The following FGGY variants were observed in gnomAD, a reference collection of about 807,000 sequenced individuals.
FGGY encodes FGGY carbohydrate kinase domain containing.
Under a neutral mutation model 71.3 loss-of-function variants are expected in FGGY, and 72 were observed. That is an observed-to-expected ratio of 1.01 (90% CI 0.84 to 1.23). The LOEUF (loss-of-function observed/expected upper bound fraction) is 1.23. FGGY is among the 50% of genes most tolerant of loss of function. The probability of loss-of-function intolerance (pLI) is 0.00; values close to 1 mark genes in which losing one functional copy is unlikely to be tolerated. For synonymous variants in FGGY, 251 were observed against 250.3 expected (o/e 1.00, Z -0.02); for missense variants, 668 against 682.3 (o/e 0.98, Z 0.23).
intron 5 of FGGY, among the ~76,000 whole-genome samples, chr1:59,426,270 C>A (rs2066348349): frequency 6.6e-6 from 1 of 152,094 alleles, no homozygotes; most frequent in South Asian, 2.1e-4. Flanking sequence ...GGATTGAATT[C>A]CTCCCTTTCC....
intron 6 of FGGY, among the ~76,000 whole-genome samples, chr1:59,506,307 G>A (rs550656664): frequency 6.0e-5 from 9 of 150,958 alleles, no homozygotes; most frequent in Non-Finnish European, 1.0e-4. Context: ...TTTTCTGGAA[G>A]TTTATGTGCT....
intron 7 of FGGY, among the ~76,000 whole-genome samples, chr1:59,541,841 C>T (rs907044806): frequency 6.6e-6 from 1 of 152,156 alleles, no homozygotes; most frequent in Non-Finnish European, 1.5e-5. Flanking sequence ...GTTTATATTC[C>T]ATGCTGTCAC....
chr1:59,703,665 G>C (rs2097728829), intron 14 of FGGY, among the ~76,000 whole-genome samples: 1 of 152,196 alleles, frequency 6.6e-6, no homozygotes, highest in Non-Finnish European at 1.5e-5. Flanking sequence ...CTAGTCTTGT[G>C]AGCCCAGCTC....
At position 59,525,524 on chromosome 1, in the gene FGGY, A is replaced by G. The variant is rs115396838; in HGVS notation, c.799+13085A>G. ...GAGTAATAAATGAGCTTTTATTTGTAAAGCACTTAGAATAATGTCTGGCCA... is the reference window on the plus strand; with the variant it reads ...GAGTAATAAATGAGCTTTTATTTGTGAAGCACTTAGAATAATGTCTGGCCA... On this transcript the variant is annotated intron_variant, in intron 7 of 15. Transcript: ENST00000303721. Among the ~76,000 whole-genome samples, 1,025 of 152,344 alleles carry G rather than the reference A, an allele frequency of 6.7e-3. 14 individuals carry two copies. Among genetic ancestry groups the G allele is most frequent in the African/African-American group, 0.023 (940 of 41,574 alleles).
rs555773177 is a variant in FGGY at position 59,467,621 on chromosome 1, A to G, written c.670+10545A>G. 2.9e-4 allele frequency among the ~76,000 whole-genome samples: 44 copies of G among 152,256 alleles called. No individual in the cohort carries two copies. The South Asian group carries it at 8.5e-3, about 29-fold the overall frequency. On this transcript the variant is annotated intron_variant, in intron 6 of 15. Coordinates refer to ENST00000303721, the MANE Select transcript of FGGY (RefSeq NM_018291.5). ...TTCCTTTTATTATAGAGTTACTACA[A>G]TAATTGTCTTTTACTGCCTCTACTT...
intron 14 of FGGY, among the ~76,000 whole-genome samples, chr1:59,688,033 T>C (rs756261959): frequency 2.0e-5 from 3 of 152,204 alleles, no homozygotes; most frequent in Non-Finnish European, 2.9e-5. Flanking sequence ...AGACAATAAA[T>C]TGACCTAAGC....
intron 14 of FGGY, among the ~76,000 whole-genome samples, chr1:59,746,707 G>C (rs2098201304): frequency 6.6e-6 from 1 of 152,048 alleles, no homozygotes; most frequent in Admixed American, 6.6e-5. Flanking sequence ...TCTTGCCCAG[G>C]CTGGTTTCAA....
intron 5 of FGGY, among the ~76,000 whole-genome samples, chr1:59,436,843 A>G (rs1369467956): frequency 6.6e-6 from 1 of 152,200 alleles, no homozygotes; most frequent in Non-Finnish European, 1.5e-5. Context: ...AAATAGGACT[A>G]AAAGTAGCTC....
intron 5 of FGGY, among the ~76,000 whole-genome samples, chr1:59,438,302 A>G (rs1471658796): frequency 6.6e-6 from 1 of 152,230 alleles, no homozygotes; most frequent in Non-Finnish European, 1.5e-5. Flanking sequence ...ACTACATAGC[A>G]TCTTAAAATA....
chr1:59,729,214 A>ATTC (rs1272943927), intron 14 of FGGY, among the ~76,000 whole-genome samples: 1 of 151,672 alleles, frequency 6.6e-6, no homozygotes, highest in Non-Finnish European at 1.5e-5. Context: ...TATTATTATT[A>ATTC]TTAGGATTTC....
At chr1:59,499,750 C>T (rs1408471888) in intron 6 of FGGY, among the ~76,000 whole-genome samples, 2 of 152,128 alleles carry the variant, frequency 1.3e-5, no homozygotes. Context: ...AACTGAACAA[C>T]AGTAACAGCA....
At chr1:59,634,895 A>G (rs1330139637) in intron 10 of FGGY, among the ~76,000 whole-genome samples, 1 of 152,194 alleles carries the variant, frequency 6.6e-6, no homozygotes, top group Non-Finnish European at 1.5e-5. Flanking sequence ...GGTACGTGGT[A>G]AAGTCACTTT....
At chr1:59,307,207 G>A (rs371217387) in intron 1 of FGGY, among the ~76,000 whole-genome samples, 17 of 151,424 alleles carry the variant, frequency 1.1e-4, no homozygotes, top group African/African-American at 2.2e-4. Flanking sequence ...CCAGCTACTC[G>A]TGAGGCTGTT....
rs555671307 is a variant in FGGY at position 59,664,436 on chromosome 1, T to G, written c.1297-2847T>G. ...ACAGCCCCTCTCGAGGGAGTGCCTC[T>G]CATTCGGATCATTTCTTTCCTTTTC... On this transcript the variant is annotated intron_variant, in intron 12 of 15. Coordinates refer to ENST00000303721, the MANE Select transcript of FGGY (RefSeq NM_018291.5). Among the ~76,000 whole-genome samples, 47 of 152,356 alleles carry G rather than the reference T, an allele frequency of 3.1e-4. 1 individual carries two copies. Among genetic ancestry groups the G allele is most frequent in the Admixed American group, 7.2e-4 (11 of 15,310 alleles).
At chr1:59,679,832 T>C (rs899205062) in intron 14 of FGGY, among the ~76,000 whole-genome samples, 1 of 152,162 alleles carries the variant, frequency 6.6e-6, no homozygotes, top group African/African-American at 2.4e-5. Flanking sequence ...ATAGAATATA[T>C]TATAGCTTAT....
At chr1:59,360,232 C>T (rs1419183055) in intron 4 of FGGY, among the ~76,000 whole-genome samples, 1 of 151,804 alleles carries the variant, frequency 6.6e-6, no homozygotes, top group Non-Finnish European at 1.5e-5. Flanking sequence ...ACAACTGGTG[C>T]GTGTAAGCCC....
intron 5 of FGGY, among the ~76,000 whole-genome samples, chr1:59,425,880 T>A (rs183862345): frequency 6.6e-6 from 1 of 152,374 alleles, no homozygotes; most frequent in Non-Finnish European, 1.5e-5. Context: ...AGCCAAATAA[T>A]GGAATTGATT....
At chr1:59,490,714 G>C (rs2093803724) in intron 6 of FGGY, among the ~76,000 whole-genome samples, 1 of 152,100 alleles carries the variant, frequency 6.6e-6, no homozygotes. Context: ...AGAGTTGGGA[G>C]TCTAACTTCA....
chr1:59,382,503 C>T (rs2059588175), intron 5 of FGGY, among the ~76,000 whole-genome samples: 1 of 152,194 alleles, frequency 6.6e-6, no homozygotes, highest in Middle Eastern at 3.4e-3. Context: ...TCAACTTTAC[C>T]CTGGAAGGTG....
Sources: gnomAD v4.1 joint callset for allele counts (sites outside exome capture counted in the v4.1 genomes callset) on GRCh38, gnomAD v4.1.1 for gene constraint, MANE v1.5 for transcripts, NCBI Gene and HGNC (gene_info 2026-07-23, HGNC 2026-07-21) for gene names.